The following CUEDC1 variants were observed in gnomAD, a reference collection of about 807,000 sequenced individuals.
CUEDC1 encodes the protein CUE domain-containing protein 1.
Under a neutral mutation model 43.7 loss-of-function variants are expected in CUEDC1, and 30 were observed. That is an observed-to-expected ratio of 0.69 (90% confidence interval 0.51 to 0.93). The LOEUF is 0.93. Among genes scored for constraint, CUEDC1 ranks in the 40% least tolerant of loss-of-function variants. The pLI is 0.00. For synonymous variants in CUEDC1, 223 were observed against 223.6 expected (o/e 1.00, Z 0.02); for missense variants, 486 against 549.0 (o/e 0.89, Z 1.15).
rs2143267675 is a variant in CUEDC1 at position 57,955,040 on chromosome 17, G to C, written c.-316+185C>G. 6.6e-6 allele frequency among the ~76,000 whole-genome samples: 1 copy of C among 151,346 alleles called. No homozygotes were observed. Among genetic ancestry groups the C allele is most frequent in the South Asian group, 2.1e-4 (1 of 4,826 alleles). ...GGACCTGCCGCACGCGGAGCTCCCG[G>C]GGAGCCGCGCCGACAGCCCCGGGAA... On this transcript the variant is annotated intron_variant, in intron 1 of 10. Coordinates refer to ENST00000577830, the MANE Select transcript of CUEDC1 (RefSeq NM_001271875.2). The surrounding 1 kb of genome is among the most constrained non-coding windows in gnomAD (Gnocchi z 5.3).
intron 1 of CUEDC1, among the ~76,000 whole-genome samples, chr17:57,916,523 A>G (rs1370088131): frequency 6.6e-6 from 1 of 152,220 alleles, no homozygotes; most frequent in Non-Finnish European, 1.5e-5. Context: ...GAAGCAAAGG[A>G]ACAAAACAGG....
At chr17:57,867,149 G>A (rs1361336604) in intron 9 of CUEDC1, 1 of 612,592 alleles carries the variant, frequency 1.6e-6, no homozygotes, top group South Asian at 1.8e-5. Flanking sequence ...GTGGAAGTAG[G>A]GCTAGGGCCC....
At chr17:57,876,364 G>A (rs545877058) in intron 3 of CUEDC1, among the ~76,000 whole-genome samples, 3 of 152,232 alleles carry the variant, frequency 2.0e-5, no homozygotes, top group African/African-American at 7.2e-5. Flanking sequence ...GCGCCTCCCT[G>A]TCCTCTGCTT....
At chr17:57,883,442 G>A (rs533526537) in intron 2 of CUEDC1, among the ~76,000 whole-genome samples, 3 of 152,322 alleles carry the variant, frequency 2.0e-5, no homozygotes, top group African/African-American at 7.2e-5. Context: ...TGACACATCG[G>A]GCCAGGTGCA....
chr17:57,879,803 A>G (rs1159303364), intron 2 of CUEDC1, 65 bp from the exon 3 acceptor site: 1 of 1,521,748 alleles, frequency 6.6e-7, no homozygotes, highest in Middle Eastern at 1.7e-4. Flanking sequence ...TACCATTCAG[A>G]CAAAATCAAG....
At chr17:57,868,044 G>A (rs1278455428) in intron 8 of CUEDC1, 106 bp downstream of exon 8, 2 of 904,778 alleles carry the variant, frequency 2.2e-6, no homozygotes, top group Non-Finnish European at 1.8e-6. Flanking sequence ...CACAGAGCCG[G>A]GTTCCACTCC....
At chr17:57,898,208 C>CT (rs1186557584) in intron 1 of CUEDC1, among the ~76,000 whole-genome samples, 18 of 152,184 alleles carry the variant, frequency 1.2e-4, no homozygotes, top group African/African-American at 3.6e-4. Context: ...CTGCCTCCTG[C>CT]TGGGGATGCA....
rs535465040 is a variant in CUEDC1, at chr17:57,902,785, C to T, written c.-315-16906G>A. ...CCAGGCTCCAGGTTGGGCACAAACC[C>T]TATAGCAGAGAGCTGGCCCAGGTGC... On this transcript the variant is annotated intron_variant, in intron 1 of 10. Coordinates refer to ENST00000577830, the MANE Select transcript of CUEDC1 (RefSeq NM_001271875.2). Among the ~76,000 whole-genome samples, 12 of 152,336 alleles carry T rather than the reference C, an allele frequency of 7.9e-5. No individual in the cohort carries two copies. In the East Asian group the frequency reaches 1.7e-3, roughly 22 times the overall value.
At chr17:57,908,674 C>T (rs375568637) in intron 1 of CUEDC1, among the ~76,000 whole-genome samples, 3 of 152,222 alleles carry the variant, frequency 2.0e-5, no homozygotes, top group African/African-American at 4.8e-5. Flanking sequence ...TGTGTGTGCA[C>T]GCATTAGAAA....
intron 1 of CUEDC1, among the ~76,000 whole-genome samples, chr17:57,910,143 C>A (rs576535985): frequency 1.3e-5 from 2 of 152,234 alleles, no homozygotes; most frequent in African/African-American, 4.8e-5. Flanking sequence ...CACACGCCAC[C>A]ATGGCTGGCT....
At chr17:57,908,882 A>G (rs1177344091) in intron 1 of CUEDC1, among the ~76,000 whole-genome samples, 1 of 152,156 alleles carries the variant, frequency 6.6e-6, no homozygotes. Flanking sequence ...CTCTATTCCC[A>G]GCTACTCGAG....
intron 5 of CUEDC1, among the ~76,000 whole-genome samples, chr17:57,871,722 G>A (rs1296785794): frequency 6.6e-6 from 1 of 152,158 alleles, no homozygotes; most frequent in Non-Finnish European, 1.5e-5. Flanking sequence ...TCAGGAGTTC[G>A]AGACCAGCCT....
chr17:57,948,004 G>T (rs923930208), intron 1 of CUEDC1, among the ~76,000 whole-genome samples: 1 of 152,000 alleles, frequency 6.6e-6, no homozygotes, highest in Non-Finnish European at 1.5e-5. Flanking sequence ...TTTCTTTGTG[G>T]CTAGGCAGTA....
At chr17:57,951,274 CTT>C (rs1331427734) in intron 1 of CUEDC1, among the ~76,000 whole-genome samples, 2 of 152,128 alleles carry the variant, frequency 1.3e-5, no homozygotes, top group African/African-American at 4.8e-5. Context: ...CATGAGATCT[CTT>C]TTAACTCTTT....
chr17:57,950,214 G>A (rs891780152), intron 1 of CUEDC1, among the ~76,000 whole-genome samples: 8 of 152,066 alleles, frequency 5.3e-5, no homozygotes, highest in East Asian at 1.9e-4. Flanking sequence ...GTAGTGGCGC[G>A]ATCTCGGCTC....
chr17:57,885,534 C>G lies in CUEDC1; in HGVS notation c.31G>C (p.Gly11Arg). Residue 11 changes from glycine (G) to arginine (R), a missense_variant, in exon 2 of 11, where the codon GGC becomes CGC. Physicochemically the swap from Gly to Arg is moderately radical, Grantham distance 125. Coordinates refer to ENST00000577830, the MANE Select transcript of CUEDC1 (RefSeq NM_001271875.2). ...CCGGCGGTGCCACCCCCGCCGCTGC[C>G]GCTGCTGCTCCGGCGGAACAGGCTG... MTSLFRRSSSGSGGGGTAGAR... is the reference protein window; with the variant it reads MTSLFRRSSSRSGGGGTAGAR... The G allele has an allele frequency of 7.2e-7, 1 of 1,383,020 alleles. No individual in the cohort carries two copies. The allele number at this position is 1,383,020 out of a possible 1,614,324, so 85.7% of individuals were successfully genotyped here.
At chr17:57,898,809 G>A (rs2074440412) in intron 1 of CUEDC1, among the ~76,000 whole-genome samples, 1 of 152,192 alleles carries the variant, frequency 6.6e-6, no homozygotes, top group African/African-American at 2.4e-5. Flanking sequence ...GGACCCCAAG[G>A]GAGGAGCAGG....
chr17:57,874,332 C>T (rs2074080245), intron 3 of CUEDC1, among the ~76,000 whole-genome samples: 1 of 152,188 alleles, frequency 6.6e-6, no homozygotes, highest in African/African-American at 2.4e-5. Context: ...TGCCTCCCTG[C>T]CCAGGTGCTG....
chr17:57,951,121 C>T (rs1235825429), intron 1 of CUEDC1, among the ~76,000 whole-genome samples: 1 of 140,282 alleles, frequency 7.1e-6, no homozygotes, highest in African/African-American at 2.6e-5. Context: ...TCCCACTCTT[C>T]CAAAATCCAC....
Sources: allele counts gnomAD v4.1 joint callset (sites outside exome capture counted in the v4.1 genomes callset), GRCh38; gene constraint gnomAD v4.1.1; non-coding constraint Gnocchi (gnomAD v3.1); transcripts MANE v1.5; gene names NCBI Gene and HGNC (gene_info 2026-07-23, HGNC 2026-07-21).